Variants in CDH18 observed in about 807,000 individuals in gnomAD.
CDH18 encodes cadherin 18, also known as cadherin-18.
In CDH18, 31 loss-of-function variants were observed where a neutral mutation model predicts 67.9. That is an observed-to-expected ratio of 0.46 (90% CI 0.34 to 0.62). The LOEUF is 0.62. Ranked by LOEUF, CDH18 falls within the 20% of genes least tolerant of loss-of-function variation. The pLI is 0.01. For missense variants in CDH18, 890 were observed against 975.5 expected (o/e 0.91, Z 1.17); for synonymous variants, 362 against 347.2 (o/e 1.04, Z -0.48).
rs1053690467 is a variant in CDH18 at position 20,204,267 on chromosome 5, T to C, written c.-518+51177A>G. ...CAAGAGAAAAGAAGCAAATAATATATAAAGGAGCTCCAATTCATCTAAAAA... is the reference window on the plus strand; with the variant it reads ...CAAGAGAAAAGAAGCAAATAATATACAAAGGAGCTCCAATTCATCTAAAAA... On this transcript the variant is annotated intron_variant, in intron 2 of 14. Coordinates refer to the CDH18 transcript ENST00000507958. Among the ~76,000 whole-genome samples the C allele has an allele frequency of 6.0e-5, 9 of 151,122 alleles. No individual in the cohort carries two copies. In the South Asian group the frequency reaches 8.3e-4, roughly 14 times the overall value.
intron 1 of CDH18, among the ~76,000 whole-genome samples, chr5:20,572,737 C>T (rs1758883760): frequency 6.6e-6 from 1 of 152,072 alleles, no homozygotes; most frequent in Admixed American, 6.6e-5. Context: ...TCTATAAAAA[C>T]AGAAGAGGTT....
Position 19,679,294 on chromosome 5 carries a change from G to T in CDH18, c.643+42053C>A, listed in dbSNP as rs1242269558. Among the ~76,000 whole-genome samples the T allele has an allele frequency of 2.0e-5, 3 of 151,848 alleles. No homozygotes were observed. The East Asian group carries it at 5.8e-4, about 29-fold the overall frequency. On this transcript the variant is annotated intron_variant, in intron 5 of 12. Transcript: ENST00000382275. The stretch of plus-strand genomic sequence containing the variant: ...ATTCTCAACAAACTAGGCATTGAAG[G>T]AACATACTTCAAAATAATAGAAGCC...
At chr5:20,160,397 C>A (rs1751886182) in intron 2 of CDH18, among the ~76,000 whole-genome samples, 1 of 152,168 alleles carries the variant, frequency 6.6e-6, no homozygotes, top group Non-Finnish European at 1.5e-5. Flanking sequence ...AAAAAACAGA[C>A]AGATGGTGAA....
intron 1 of CDH18, among the ~76,000 whole-genome samples, chr5:20,365,510 G>C (rs1267923732): frequency 6.6e-6 from 1 of 152,100 alleles, no homozygotes; most frequent in Admixed American, 6.5e-5. Flanking sequence ...CTTACTCTCA[G>C]TGATAAATAT....
chr5:20,319,316 A>C (rs1045817272), intron 1 of CDH18, among the ~76,000 whole-genome samples: 1 of 152,092 alleles, frequency 6.6e-6, no homozygotes, highest in African/African-American at 2.4e-5. Context: ...CCAAATTATG[A>C]GTTTTTTCCA....
rs34631530 is a variant in CDH18, at chr5:19,638,977, GTTTT to G, written c.644-26380_644-26377del. ...GATCGCTGGGAAGTTTTTTGTTGCT[GTTTT>G]TTTTTTTTTTTTTTTTTTTTTTTGT... On this transcript the variant is annotated intron_variant, in intron 5 of 12. Coordinates refer to ENST00000382275, the MANE Select transcript of CDH18 (RefSeq NM_004934.5). 9.1e-4 allele frequency among the ~76,000 whole-genome samples: 50 copies of G among 54,724 alleles called. No homozygotes were observed. In the East Asian group the frequency reaches 0.023, roughly 25 times the overall value. 35.9% of individuals were successfully genotyped at this position (54,724 alleles called of 152,430 possible). A position where few individuals can be genotyped will look rare whatever the true frequency, so the allele number is the denominator to read the frequency against.
At chr5:19,654,487 A>G (rs1756046392) in intron 5 of CDH18, among the ~76,000 whole-genome samples, 1 of 152,164 alleles carries the variant, frequency 6.6e-6, no homozygotes, top group Non-Finnish European at 1.5e-5. Flanking sequence ...GCCGCTGTGC[A>G]TTCAAACCCC....
chr5:20,237,911 TA>T, intron 2 of CDH18, among the ~76,000 whole-genome samples: 1 of 152,096 alleles, frequency 6.6e-6, no homozygotes, highest in Non-Finnish European at 1.5e-5. Context: ...GATTTATTAT[TA>T]ACCTACATTA....
At chr5:19,978,080 T>C (rs1798676500) in intron 2 of CDH18, among the ~76,000 whole-genome samples, 1 of 152,126 alleles carries the variant, frequency 6.6e-6, no homozygotes, top group Non-Finnish European at 1.5e-5. Context: ...ATATTTTACT[T>C]TGTTTATTGT....
At chr5:20,352,703 G>A (rs1741301787) in intron 1 of CDH18, among the ~76,000 whole-genome samples, 1 of 151,838 alleles carries the variant, frequency 6.6e-6, no homozygotes, top group South Asian at 2.1e-4. Context: ...TGAGGCAGGA[G>A]AATGGTGTGA....
chr5:20,215,844 G>C (rs542936151), intron 2 of CDH18, among the ~76,000 whole-genome samples: 1 of 151,992 alleles, frequency 6.6e-6, no homozygotes, highest in Non-Finnish European at 1.5e-5. Context: ...TGGAGCTGGA[G>C]GCCGTTATCC....
intron 1 of CDH18, among the ~76,000 whole-genome samples, chr5:20,364,098 T>C (rs1468995536): frequency 6.6e-6 from 1 of 152,178 alleles, no homozygotes; most frequent in Non-Finnish European, 1.5e-5. Context: ...CAGGAGATGC[T>C]TTTATTATCG....
intron 2 of CDH18, among the ~76,000 whole-genome samples, chr5:19,935,818 C>T (rs1236254383): frequency 1.3e-5 from 2 of 149,948 alleles, no homozygotes; most frequent in Non-Finnish European, 3.0e-5. Flanking sequence ...CTCTCTCTCT[C>T]TCTCTCTCTC....
At chr5:19,852,316 A>G (rs1783799905) in intron 2 of CDH18, among the ~76,000 whole-genome samples, 1 of 152,064 alleles carries the variant, frequency 6.6e-6, no homozygotes, top group South Asian at 2.1e-4. Context: ...AGTATGAATA[A>G]CTAAATTGTT....
intron 6 of CDH18, among the ~76,000 whole-genome samples, chr5:19,600,456 A>G (rs1184587593): frequency 2.6e-5 from 4 of 151,286 alleles, no homozygotes; most frequent in Non-Finnish European, 4.4e-5. Context: ...GTTCTCTATA[A>G]CACTAAAGTC....
At chr5:19,496,085 C>T (rs1284042439) in intron 11 of CDH18, among the ~76,000 whole-genome samples, 1 of 152,176 alleles carries the variant, frequency 6.6e-6, no homozygotes, top group East Asian at 1.9e-4. Flanking sequence ...CTGAAAAGCC[C>T]TGGAAGACAA....
rs187109686 is a variant in CDH18 at position 19,613,412 on chromosome 5, G to A, written c.644-811C>T. Among the ~76,000 whole-genome samples the A allele has an allele frequency of 7.9e-5, 12 of 152,206 alleles. No individual in the cohort carries two copies. In the East Asian group the frequency reaches 1.4e-3, roughly 17 times the overall value. On this transcript the variant is annotated intron_variant, in intron 5 of 12. Transcript: ENST00000382275. The stretch of plus-strand genomic sequence containing the variant: ...TTATAGGCAGGAGGCATATTAACAC[G>A]TATCAAAGACTAAGAAACTCACTAT...
intron 2 of CDH18, among the ~76,000 whole-genome samples, chr5:20,108,245 AATTTT>A (rs544906135): frequency 1.3e-5 from 2 of 151,350 alleles, no homozygotes; most frequent in Non-Finnish European, 2.9e-5. Flanking sequence ...ACGCCCGGCT[AATTTT>A]ATTTTATTTT....
At chr5:20,552,329 T>A (rs979144408) in intron 1 of CDH18, among the ~76,000 whole-genome samples, 7 of 152,004 alleles carry the variant, frequency 4.6e-5, no homozygotes, top group Admixed American at 4.6e-4. Flanking sequence ...ATACAAAAAT[T>A]AGCTGGGCGT....
Sources: allele counts gnomAD v4.1 joint callset (sites outside exome capture counted in the v4.1 genomes callset), GRCh38; gene constraint gnomAD v4.1.1; transcripts MANE v1.5; gene names NCBI Gene and HGNC (gene_info 2026-07-23, HGNC 2026-07-21).